LRP1B: variants seen among roughly 807,000 people sequenced by gnomAD.
The protein encoded by LRP1B is LDL receptor related protein 1B.
Under a neutral mutation model 556.6 loss-of-function variants are expected in LRP1B, and 217 were observed. The ratio of observed to expected loss-of-function variants is 0.39; its 90% confidence interval spans 0.35 to 0.44. LRP1B has a LOEUF of 0.44. LRP1B is among the 20% of genes least tolerant of loss of function. The probability of loss-of-function intolerance (pLI) is 1.00; values close to 1 mark genes in which losing one functional copy is unlikely to be tolerated. For synonymous variants in LRP1B, 2,047 were observed against 1,865.8 expected (o/e 1.10, Z -2.50); for missense variants, 5,053 against 5,620.8 (o/e 0.90, Z 3.23).
chr2:141,112,054 A>G (rs1700767076), intron 7 of LRP1B, among the ~76,000 whole-genome samples: 1 of 95,718 alleles, frequency 1.0e-5, no homozygotes. Flanking sequence ...TCAAAAATAA[A>G]TAAATAAATA....
intron 2 of LRP1B, among the ~76,000 whole-genome samples, chr2:141,681,526 T>C (rs116620595): frequency 0.014 from 2,077 of 152,226 alleles, 55 homozygotes; most frequent in African/African-American, 0.048. Context: ...ATGTGTGTTT[T>C]ATGATTAGAG....
chr2:141,741,716 C>T (rs1693713025), intron 2 of LRP1B, among the ~76,000 whole-genome samples: 1 of 152,084 alleles, frequency 6.6e-6, no homozygotes. Flanking sequence ...GGGTAGTTTG[C>T]CAATAATTTC....
chr2:141,865,329 A>C (rs1698372872), intron 1 of LRP1B, among the ~76,000 whole-genome samples: 1 of 152,206 alleles, frequency 6.6e-6, no homozygotes, highest in South Asian at 2.1e-4. Context: ...GCGGTGGCTC[A>C]CGCCTGTAAT....
chr2:142,028,861 A>T (rs1366219309), intron 1 of LRP1B, among the ~76,000 whole-genome samples: 1 of 151,942 alleles, frequency 6.6e-6, no homozygotes, highest in East Asian at 1.9e-4. Context: ...TATAATAAAA[A>T]GTGTAGTGGT....
chr2:140,935,486 T>C (rs1374837676), intron 20 of LRP1B, among the ~76,000 whole-genome samples: 1 of 151,884 alleles, frequency 6.6e-6, no homozygotes, highest in East Asian at 1.9e-4. Flanking sequence ...GACTTATTGA[T>C]CTGAGGAAAA....
chr2:141,295,218 C>T (rs1686135777), intron 3 of LRP1B, among the ~76,000 whole-genome samples: 1 of 151,976 alleles, frequency 6.6e-6, no homozygotes. Flanking sequence ...TGGGGATATC[C>T]CCTTATATTA....
chr2:140,509,144 T>C (rs1175002862), intron 52 of LRP1B, among the ~76,000 whole-genome samples: 1 of 151,400 alleles, frequency 6.6e-6, no homozygotes, highest in Admixed American at 6.6e-5. Flanking sequence ...TACAATGCTT[T>C]AAAGATGTGA....
intron 2 of LRP1B, among the ~76,000 whole-genome samples, chr2:141,704,251 TTTCCGTTTCATTTAC>T (rs1229298795): frequency 2.6e-5 from 4 of 151,956 alleles, no homozygotes; most frequent in Non-Finnish European, 5.9e-5. Context: ...TTGCACTTCT[TTTCCGTTTCATTTAC>T]TAACCTTTTT....
rs367846027 is a variant in LRP1B, at chr2:140,325,845, T to A, written c.12257A>T (p.Tyr4086Phe). The change falls in exon 80 of 91, where the codon TAT becomes TTT. Residue 4086 changes from tyrosine (Y) to phenylalanine (F), a missense_variant. Physicochemically the swap from Tyr to Phe is conservative, Grantham distance 22. Transcript: ENST00000389484. Reference sequence around the variant, plus strand: ...GATGGAGAGCTCAAAGTCAGCCCAATATATGCGTTCACTAAAATAATCCAC... The same window carrying A: ...GATGGAGAGCTCAAAGTCAGCCCAAAATATGCGTTCACTAAAATAATCCAC... Reference protein sequence around the residue: ...LAVDYFSERIYWADFELSIIG... With the variant: ...LAVDYFSERIFWADFELSIIG... The A allele has an allele frequency of 1.2e-6, 2 of 1,612,832 alleles. No homozygotes were observed. The highest frequency in any genetic ancestry group is 1.7e-6 in the Non-Finnish European group (2 of 1,179,378).
At chr2:141,663,663 C>G (rs930291737) in intron 2 of LRP1B, among the ~76,000 whole-genome samples, 3 of 152,072 alleles carry the variant, frequency 2.0e-5, no homozygotes, top group Admixed American at 6.5e-5. Context: ...CTGAATAGAT[C>G]AATTACAAGT....
chr2:141,641,608 C>T (rs1689338458), intron 2 of LRP1B, among the ~76,000 whole-genome samples: 1 of 152,148 alleles, frequency 6.6e-6, no homozygotes, highest in Admixed American at 6.5e-5. Flanking sequence ...TAGCAGTTAA[C>T]TGTCTTCCAG....
At chr2:141,264,995 C>T (rs1254212639) in intron 3 of LRP1B, among the ~76,000 whole-genome samples, 1 of 152,126 alleles carries the variant, frequency 6.6e-6, no homozygotes, top group Non-Finnish European at 1.5e-5. Flanking sequence ...TAGGACAGGG[C>T]ACTGGATAAC....
chr2:140,404,413 C>G (rs1684644895), intron 66 of LRP1B, among the ~76,000 whole-genome samples: 1 of 151,882 alleles, frequency 6.6e-6, no homozygotes, highest in Non-Finnish European at 1.5e-5. Context: ...ACCTCATGAT[C>G]CGCCCACTTC....
At chr2:141,670,617 T>A (rs559127548) in intron 2 of LRP1B, among the ~76,000 whole-genome samples, 1 of 152,326 alleles carries the variant, frequency 6.6e-6, no homozygotes, top group African/African-American at 2.4e-5. Flanking sequence ...GAATTTCACA[T>A]TTTGGGTGAA....
At chr2:141,894,529 A>G (rs1699381434) in intron 1 of LRP1B, among the ~76,000 whole-genome samples, 1 of 152,110 alleles carries the variant, frequency 6.6e-6, no homozygotes, top group Admixed American at 6.6e-5. Flanking sequence ...ATATACTCAT[A>G]GTTGTACATA....
chr2:141,873,245 A>C (rs115508112), intron 1 of LRP1B, among the ~76,000 whole-genome samples: 2 of 151,754 alleles, frequency 1.3e-5, no homozygotes, highest in Non-Finnish European at 2.9e-5. Context: ...TGCTTGAGTC[A>C]AGGAGTTTGA....
chr2:141,395,768 G>A (rs1458533989), intron 3 of LRP1B, among the ~76,000 whole-genome samples: 1 of 152,060 alleles, frequency 6.6e-6, no homozygotes. Context: ...AAAATAAAAA[G>A]ATACTGCATT....
chr2:141,898,285 T>A (rs536165603), intron 1 of LRP1B, among the ~76,000 whole-genome samples: 1 of 152,112 alleles, frequency 6.6e-6, no homozygotes, highest in Non-Finnish European at 1.5e-5. Flanking sequence ...CCTCAGGCAC[T>A]ATTCCTCCTC....
intron 3 of LRP1B, among the ~76,000 whole-genome samples, chr2:141,307,412 G>C (rs986676351): frequency 2.0e-5 from 3 of 151,856 alleles, no homozygotes; most frequent in Admixed American, 6.6e-5. Context: ...GTATTATCTG[G>C]TATGTGTAGC....
Sources: gnomAD v4.1 joint callset for allele counts (sites outside exome capture counted in the v4.1 genomes callset) on GRCh38, gnomAD v4.1.1 for gene constraint, MANE v1.5 for transcripts, NCBI Gene and HGNC (gene_info 2026-07-23, HGNC 2026-07-21) for gene names.